CNTN4: variants seen among roughly 807,000 people sequenced by gnomAD.
CNTN4 encodes the protein contactin-4.
In CNTN4, 77 loss-of-function variants were observed where a neutral mutation model predicts 122.5. The observed-to-expected ratio is 0.63, with a 90% confidence interval of 0.52 to 0.76. The LOEUF (loss-of-function observed/expected upper bound fraction) is 0.76. Ranked by LOEUF, CNTN4 falls within the 30% of genes least tolerant of loss-of-function variation. CNTN4 has a pLI of 0.00. For missense variants in CNTN4, 1,256 were observed against 1,259.1 expected, an observed-to-expected ratio of 1.00 and a Z score of 0.04; for synonymous variants, 512 against 447.0, an observed-to-expected ratio of 1.15 and a Z score of -1.83.
At position 3,038,932 on chromosome 3, in the gene CNTN4, G is replaced by A; in HGVS notation, c.2093-1G>A. On this transcript the variant is annotated splice_acceptor_variant, in intron 18 of 24. Coordinates refer to ENST00000418658, the MANE Select transcript of CNTN4 (RefSeq NM_175607.3). LOFTEE classifies it high-confidence loss of function. ...AACTTGTTTTTTGTCTCCTTGTGCAGTCCCCGAAGTCACACCAGCGAATGT... is the reference window on the plus strand; with the variant it reads ...AACTTGTTTTTTGTCTCCTTGTGCAATCCCCGAAGTCACACCAGCGAATGT... 1 of 1,614,030 alleles carries A rather than the reference G, an allele frequency of 6.2e-7. No homozygotes were observed. Among genetic ancestry groups the A allele is most frequent in the Non-Finnish European group, 8.5e-7 (1 of 1,179,928 alleles).
At chr3:2,796,469 C>T (rs192490189) in intron 6 of CNTN4, among the ~76,000 whole-genome samples, 41 of 151,998 alleles carry the variant, frequency 2.7e-4, no homozygotes, top group African/African-American at 8.2e-4. Flanking sequence ...TTCTATGGTA[C>T]GGTTTTTAAT....
At chr3:2,145,449 G>T (rs936525510) in intron 2 of CNTN4, among the ~76,000 whole-genome samples, 15 of 152,302 alleles carry the variant, frequency 9.8e-5, no homozygotes, top group African/African-American at 3.4e-4. Context: ...GGCTTTGCTA[G>T]TAAGAGGCTT....
chr3:2,310,337 A>G (rs2042869473), intron 2 of CNTN4, among the ~76,000 whole-genome samples: 1 of 152,174 alleles, frequency 6.6e-6, no homozygotes, highest in Non-Finnish European at 1.5e-5. Flanking sequence ...ATTGGCTATG[A>G]CTGACACTGT....
chr3:2,713,114 G>A (rs192636999), intron 4 of CNTN4, among the ~76,000 whole-genome samples: 5 of 152,268 alleles, frequency 3.3e-5, no homozygotes, highest in Admixed American at 2.6e-4. Context: ...AAGTTCCAGA[G>A]GCCCAAATTT....
At chr3:2,943,623 TA>T (rs1559699072) in intron 13 of CNTN4, among the ~76,000 whole-genome samples, 19 of 78,310 alleles carry the variant, frequency 2.4e-4, no homozygotes, top group South Asian at 1.4e-3. Flanking sequence ...TATATATATA[TA>T]TATATATTTT....
intron 13 of CNTN4, 91 bp downstream of exon 13, chr3:2,925,870 A>C (rs1324166862): frequency 2.7e-6 from 3 of 1,108,292 alleles, no homozygotes; most frequent in Non-Finnish European, 4.1e-6. Flanking sequence ...TGGGGTGACT[A>C]TCTGCTGTTC....
intron 4 of CNTN4, among the ~76,000 whole-genome samples, chr3:2,635,239 A>T (rs868763459): frequency 2.8e-4 from 42 of 152,298 alleles, no homozygotes; most frequent in Middle Eastern, 6.8e-3. Flanking sequence ...TGATGGGTCA[A>T]TCTGACAATC....
intron 6 of CNTN4, among the ~76,000 whole-genome samples, chr3:2,779,673 T>C (rs1159608923): frequency 6.6e-6 from 1 of 152,210 alleles, no homozygotes; most frequent in Non-Finnish European, 1.5e-5. Flanking sequence ...TAGTGTTCCC[T>C]TCTGAATATT....
chr3:2,421,317 A>T (rs1194487479), intron 3 of CNTN4, among the ~76,000 whole-genome samples: 2 of 141,896 alleles, frequency 1.4e-5, no homozygotes, highest in Non-Finnish European at 3.0e-5. Context: ...CAGTGGCGTG[A>T]TCTCAGCTCA....
intron 4 of CNTN4, among the ~76,000 whole-genome samples, chr3:2,618,118 G>A (rs957894858): frequency 6.6e-6 from 1 of 152,096 alleles, no homozygotes; most frequent in Non-Finnish European, 1.5e-5. Context: ...ATGTTTACAT[G>A]TAATATGGGA....
intron 2 of CNTN4, among the ~76,000 whole-genome samples, chr3:2,179,143 C>G (rs980252265): frequency 4.6e-5 from 7 of 152,182 alleles, no homozygotes; most frequent in East Asian, 1.9e-4. Flanking sequence ...ATCTGATTAT[C>G]TCTAACAAAG....
At chr3:2,831,143 AG>A (rs1357308595) in intron 7 of CNTN4, among the ~76,000 whole-genome samples, 2 of 152,244 alleles carry the variant, frequency 1.3e-5, no homozygotes, top group African/African-American at 4.8e-5. Context: ...CATTTAGGCA[AG>A]TGAAGTTCAG....
intron 3 of CNTN4, among the ~76,000 whole-genome samples, chr3:2,539,710 T>A (rs1437574587): frequency 6.6e-6 from 1 of 152,132 alleles, no homozygotes; most frequent in Non-Finnish European, 1.5e-5. Context: ...ACAAATCAAA[T>A]TAATGTTACA....
intron 14 of CNTN4, 24 bp from the exon 15 acceptor site, chr3:3,026,078 G>A: frequency 3.1e-6 from 5 of 1,606,662 alleles, no homozygotes; most frequent in Non-Finnish European, 4.3e-6. Flanking sequence ...TGTTGTTATT[G>A]TTTGTTTTGT....
intron 3 of CNTN4, among the ~76,000 whole-genome samples, chr3:2,558,841 T>C (rs1177604337): frequency 6.6e-6 from 1 of 152,210 alleles, no homozygotes. Context: ...TAAAACTCAC[T>C]GTATAACTGC....
At chr3:2,270,019 G>A (rs868199444) in intron 2 of CNTN4, among the ~76,000 whole-genome samples, 2,132 of 83,210 alleles carry the variant, frequency 0.026, 683 homozygotes, top group Middle Eastern at 0.091. Flanking sequence ...GCGCAATCTC[G>A]GCTCACTGCA....
At chr3:2,451,456 AAAAAAG>A (rs1575660818) in intron 3 of CNTN4, among the ~76,000 whole-genome samples, 1 of 151,188 alleles carries the variant, frequency 6.6e-6, no homozygotes, top group East Asian at 1.9e-4. Context: ...CTTAAAAAAA[AAAAAAG>A]AAAAGACAAC....
At chr3:2,419,187 A>T (rs1394160257) in intron 3 of CNTN4, among the ~76,000 whole-genome samples, 2 of 152,216 alleles carry the variant, frequency 1.3e-5, no homozygotes, top group Non-Finnish European at 2.9e-5. Context: ...AATCAATCAT[A>T]TACCAGGTAA....
chr3:2,980,916 C>A lies in CNTN4; in HGVS notation c.1359-7429C>A, dbSNP rs79298263. Among the ~76,000 whole-genome samples, 995 of 152,186 alleles carry A rather than the reference C, an allele frequency of 6.5e-3. 10 individuals carry two copies. The highest frequency in any genetic ancestry group is 0.022 in the African/African-American group (910 of 41,516). ...TAATATTATGCAAATGAGGTCTTTG[C>A]CTGGCCAGCACCACCCTGTTGTCTG... On this transcript the variant is annotated intron_variant, in intron 13 of 24. Coordinates refer to ENST00000418658, the MANE Select transcript of CNTN4 (RefSeq NM_175607.3).
Sources: allele counts gnomAD v4.1 joint callset (sites outside exome capture counted in the v4.1 genomes callset), GRCh38; gene constraint gnomAD v4.1.1; transcripts MANE v1.5; gene names NCBI Gene and HGNC (gene_info 2026-07-23, HGNC 2026-07-21).